Variants in CHRM3 observed in about 807,000 individuals in gnomAD.
The protein encoded by CHRM3 is cholinergic receptor muscarinic 3, also known as muscarinic acetylcholine receptor M3.
CHRM3 carries 11 observed loss-of-function variants against 41.8 expected under a neutral mutation model. The ratio of observed to expected loss-of-function variants is 0.26; its 90% CI spans 0.17 to 0.44. The LOEUF is 0.44. CHRM3 is among the 20% of genes least tolerant of loss of function. CHRM3 has a pLI of 1.00. For missense variants in CHRM3, 571 were observed against 745.4 expected, an observed-to-expected ratio of 0.77 and a Z score of 2.72; for synonymous variants, 297 against 301.4, an observed-to-expected ratio of 0.99 and a Z score of 0.15.
chr1:239,405,698 C>T (rs891545809), intron 1 of CHRM3, among the ~76,000 whole-genome samples: 3 of 151,836 alleles, frequency 2.0e-5, no homozygotes, highest in Admixed American at 6.6e-5. Flanking sequence ...GTCCAATGAG[C>T]GGGTCAAGTT....
intron 5 of CHRM3, among the ~76,000 whole-genome samples, chr1:239,696,021 ATATTCTCTCCTATAACTGTTAAT>A (rs1277374779): frequency 6.6e-6 from 1 of 152,206 alleles, no homozygotes; most frequent in East Asian, 1.9e-4. Flanking sequence ...ATGTACTGAC[ATATTCTCTCCTATAACTGTTAAT>A]TACAATACAG....
chr1:239,897,341 A>G (rs1243256659), intron 6 of CHRM3, among the ~76,000 whole-genome samples: 1 of 152,220 alleles, frequency 6.6e-6, no homozygotes, highest in Non-Finnish European at 1.5e-5. Flanking sequence ...AGTCTAACTT[A>G]ATCATGAAAG....
chr1:239,764,019 A>T (rs1269456168), intron 5 of CHRM3, among the ~76,000 whole-genome samples: 2 of 151,704 alleles, frequency 1.3e-5, no homozygotes, highest in Non-Finnish European at 2.9e-5. Context: ...TGAGCCCAGC[A>T]GTTTGAGGTT....
At chr1:239,775,397 A>C (rs913476015) in intron 5 of CHRM3, among the ~76,000 whole-genome samples, 1 of 152,212 alleles carries the variant, frequency 6.6e-6, no homozygotes, top group East Asian at 1.9e-4. Context: ...GGAATTCTTC[A>C]GTTTTCAAAG....
intron 4 of CHRM3, among the ~76,000 whole-genome samples, chr1:239,663,688 A>G (rs2165872): frequency 0.67 from 101,255 of 152,116 alleles, 34,176 homozygotes; most frequent in East Asian, 0.84. Context: ...CGTAAATTTT[A>G]TACAATGGAA....
intron 3 of CHRM3, among the ~76,000 whole-genome samples, chr1:239,600,959 A>G (rs1277039118): frequency 6.6e-6 from 1 of 152,178 alleles, no homozygotes; most frequent in Non-Finnish European, 1.5e-5. Context: ...AACAAAGTCC[A>G]TTTGAGATTT....
intron 6 of CHRM3, among the ~76,000 whole-genome samples, chr1:239,867,079 G>A (rs957163361): frequency 6.6e-6 from 1 of 152,180 alleles, no homozygotes; most frequent in African/African-American, 2.4e-5. Context: ...CTTGGGGAAG[G>A]AATGTTTGCC....
intron 2 of CHRM3, among the ~76,000 whole-genome samples, chr1:239,531,410 A>G (rs1558294872): frequency 6.6e-6 from 1 of 152,098 alleles, no homozygotes; most frequent in Non-Finnish European, 1.5e-5. Context: ...CAGAATTAGA[A>G]ACTTTTAAAA....
intron 5 of CHRM3, among the ~76,000 whole-genome samples, chr1:239,747,478 G>T (rs1390199651): frequency 6.6e-6 from 1 of 152,160 alleles, no homozygotes; most frequent in African/African-American, 2.4e-5. Flanking sequence ...GCTTTGCTGG[G>T]AGTTGTAATT....
intron 5 of CHRM3, among the ~76,000 whole-genome samples, chr1:239,699,839 G>A (rs1201444264): frequency 6.6e-6 from 1 of 152,102 alleles, no homozygotes; most frequent in Non-Finnish European, 1.5e-5. Flanking sequence ...AAACCTAACA[G>A]CATTGAACCT....
At chr1:239,629,659 T>C (rs967400328) in intron 3 of CHRM3, 22 of 152,214 alleles carry the variant, frequency 1.4e-4, no homozygotes, top group African/African-American at 5.1e-4. Flanking sequence ...TACTTTATTG[T>C]GGTGGTATGA....
At chr1:239,703,334 G>A (rs938708129) in intron 5 of CHRM3, 4 of 152,104 alleles carry the variant, frequency 2.6e-5, no homozygotes, top group South Asian at 2.1e-4. Context: ...TCCAGGTTCC[G>A]TCACATTTGG....
At chr1:239,419,504 A>G (rs942426814) in intron 1 of CHRM3, among the ~76,000 whole-genome samples, 2 of 152,076 alleles carry the variant, frequency 1.3e-5, no homozygotes, top group Non-Finnish European at 2.9e-5. Context: ...AATATGTACA[A>G]TTGGATCTAA....
In CHRM3 at chr1:239,740,740, G is replaced by A. The variant is rs1053005015; in HGVS notation, c.-147+62452G>A. Among the ~76,000 whole-genome samples, 9 of 152,110 alleles carry A rather than the reference G, an allele frequency of 5.9e-5. No individual in the cohort carries two copies. In the East Asian group the frequency reaches 1.5e-3, roughly 26 times the overall value. ...AAGCTCATTATCACTGGTCATTAGC[G>A]AAATGCAAATCAAAACCATAATGAG... On this transcript the variant is annotated intron_variant, in intron 5 of 6. Coordinates refer to ENST00000676153, the MANE Select transcript of CHRM3 (RefSeq NM_001375978.1).
intron 1 of CHRM3, among the ~76,000 whole-genome samples, chr1:239,483,659 C>G (rs183779505): frequency 1.2e-3 from 188 of 152,196 alleles, no homozygotes; most frequent in African/African-American, 4.4e-3. Context: ...ACCTACGTAG[C>G]TAGAGATTAA....
intron 3 of CHRM3, among the ~76,000 whole-genome samples, chr1:239,613,658 G>T (rs1667308469): frequency 6.6e-6 from 1 of 152,178 alleles, no homozygotes; most frequent in Non-Finnish European, 1.5e-5. Flanking sequence ...ATCTGTCATT[G>T]TGTATCTGTG....
rs1680315636 is a variant in CHRM3 at position 239,910,701 on chromosome 1, G to A, written c.*1477G>A. 6.1e-6 allele frequency: 1 copy of A among 164,302 alleles called. No homozygotes were observed. The highest frequency in any genetic ancestry group is 6.7e-5 in the Admixed American group (1 of 14,944). 10.2% of individuals were successfully genotyped at this position (164,302 alleles called of 1,614,324 possible). A position where few individuals can be genotyped will look rare whatever the true frequency, so the allele number is the denominator to read the frequency against. On this transcript the variant is annotated 3_prime_UTR_variant, in exon 7 of 7. Transcript: ENST00000676153. The stretch of plus-strand genomic sequence containing the variant: ...TGTCGTTGTTGTTGCTGCTGTAGCT[G>A]TTGGGGTTTCTTTTCCTGTTGCCGG...
chr1:239,871,089 C>T (rs757831777), intron 6 of CHRM3, among the ~76,000 whole-genome samples: 3 of 151,904 alleles, frequency 2.0e-5, no homozygotes, highest in Admixed American at 6.6e-5. Context: ...TCCAAACTAG[C>T]GACAGAAGAC....
At chr1:239,541,974 A>G (rs1244627098) in intron 2 of CHRM3, among the ~76,000 whole-genome samples, 1 of 152,168 alleles carries the variant, frequency 6.6e-6, no homozygotes, top group Non-Finnish European at 1.5e-5. Flanking sequence ...AAATTCCTCT[A>G]TTCAACAGGA....
Sources: gnomAD v4.1 joint callset for allele counts (sites outside exome capture counted in the v4.1 genomes callset) on GRCh38, gnomAD v4.1.1 for gene constraint, MANE v1.5 for transcripts, NCBI Gene and HGNC (gene_info 2026-07-23, HGNC 2026-07-21) for gene names.